Variants in PITPNM2 observed in about 807,000 individuals in gnomAD.
The protein encoded by PITPNM2 is phosphatidylinositol transfer protein membrane associated 2.
In PITPNM2, 35 loss-of-function variants were observed where a neutral mutation model predicts 132.2. That is an observed-to-expected ratio of 0.26 (90% CI 0.20 to 0.35). PITPNM2 has a LOEUF of 0.35. Among genes scored for constraint, PITPNM2 ranks in the 10% least tolerant of loss-of-function variants. The pLI is 1.00. For synonymous variants in PITPNM2, 738 were observed against 799.2 expected, an observed-to-expected ratio of 0.92 and a Z score of 1.29; for missense variants, 1,332 against 1,912.0, an observed-to-expected ratio of 0.70 and a Z score of 5.66.
intron 2 of PITPNM2, among the ~76,000 whole-genome samples, chr12:123,039,069 G>C (rs1454186440): frequency 6.6e-6 from 1 of 151,362 alleles, no homozygotes; most frequent in African/African-American, 2.4e-5. Flanking sequence ...GGAACAGCGT[G>C]AGCAAAGGCC....
At chr12:123,013,696 G>C in intron 4 of PITPNM2, 132 bp downstream of exon 4, 1 of 1,046,260 alleles carries the variant, frequency 9.6e-7, no homozygotes, top group Non-Finnish European at 1.4e-6. Context: ...AACAAAGCCT[G>C]GGTTCCCTGG....
chr12:123,080,812 A>G (rs145437225), intron 2 of PITPNM2, among the ~76,000 whole-genome samples: 1 of 152,080 alleles, frequency 6.6e-6, no homozygotes. Flanking sequence ...TGGGGCAACA[A>G]TCTCTACCCC....
At chr12:122,996,991 G>T in intron 11 of PITPNM2, 81 bp from the exon 12 acceptor site, 1 of 1,322,758 alleles carries the variant, frequency 7.6e-7, no homozygotes, top group Non-Finnish European at 1.0e-6. Flanking sequence ...CTGAGTCTCA[G>T]CCATGGACTC....
Position 123,004,587 on chromosome 12 carries a change from G to T in PITPNM2, c.953-98C>A. ...GGCAGGGAGGGCCACCCACAGGCCTGACAGGCATCACAGAGGCTGCCACAG... is the reference window on the plus strand; with the variant it reads ...GGCAGGGAGGGCCACCCACAGGCCTTACAGGCATCACAGAGGCTGCCACAG... On this transcript the variant is annotated intron_variant, in intron 7 of 25. Coordinates refer to ENST00000320201, the MANE Select transcript of PITPNM2 (RefSeq NM_020845.3). This position sits in a 1 kb window ranked among gnomAD's most constrained non-coding sequence, Gnocchi z 4.9. 2 of 1,124,296 alleles carry T rather than the reference G, an allele frequency of 1.8e-6. No homozygotes were observed. Among genetic ancestry groups the T allele is most frequent in the Non-Finnish European group, 2.7e-6 (2 of 748,246 alleles). The allele number at this position is 1,124,296 out of a possible 1,614,324, so 69.6% of individuals were successfully genotyped here.
intron 3 of PITPNM2, among the ~76,000 whole-genome samples, chr12:123,020,092 T>C (rs1358124988): frequency 6.6e-6 from 1 of 152,006 alleles, no homozygotes; most frequent in Non-Finnish European, 1.5e-5. Flanking sequence ...ATCACAAAAG[T>C]TTTTTTATTT....
At chr12:123,067,306 A>C (rs1372246905) in intron 2 of PITPNM2, among the ~76,000 whole-genome samples, 3 of 152,166 alleles carry the variant, frequency 2.0e-5, no homozygotes, top group Non-Finnish European at 4.4e-5. Flanking sequence ...AAATACAAAA[A>C]TTAGCTGGAC....
chr12:123,097,907 C>T lies in PITPNM2; in HGVS notation c.-96+12478G>A, dbSNP rs762017602. ...AGCCAGATGGGAACAACATAATCCTCCTTTCTCTGCTGGCCTTGGCCCTCT... is the reference window on the plus strand; with the variant it reads ...AGCCAGATGGGAACAACATAATCCTTCTTTCTCTGCTGGCCTTGGCCCTCT... On this transcript the variant is annotated intron_variant, in intron 2 of 25. Coordinates refer to ENST00000320201, the MANE Select transcript of PITPNM2 (RefSeq NM_020845.3). This position sits in a 1 kb window ranked among gnomAD's most constrained non-coding sequence, Gnocchi z 4.7. Among the ~76,000 whole-genome samples, 9 of 152,232 alleles carry T rather than the reference C, an allele frequency of 5.9e-5. No individual in the cohort carries two copies. Among genetic ancestry groups the T allele is most frequent in the Non-Finnish European group, 1.2e-4 (8 of 68,036 alleles).
intron 2 of PITPNM2, among the ~76,000 whole-genome samples, chr12:123,094,111 C>T (rs2042343544): frequency 6.6e-6 from 1 of 152,274 alleles, no homozygotes; most frequent in South Asian, 2.1e-4. Context: ...CTCCAGGTGT[C>T]ACTGGGCCAT....
In PITPNM2 at chr12:123,116,654, A is replaced by G. The variant is rs917459867; in HGVS notation, c.-199-6166T>C. On this transcript the variant is annotated intron_variant, in intron 1 of 25. Transcript: ENST00000320201. Reference sequence around the variant, plus strand: ...CAGGGCAAGACCTTGTTTCAAAAAAAAAAAAAAAAAAAAGCAGGAGAGGAG... The same window carrying G: ...CAGGGCAAGACCTTGTTTCAAAAAAGAAAAAAAAAAAAAGCAGGAGAGGAG... Among the ~76,000 whole-genome samples, 11 of 151,914 alleles carry G rather than the reference A, an allele frequency of 7.2e-5. No individual in the cohort carries two copies. In the South Asian group the frequency reaches 1.5e-3, roughly 20 times the overall value.
intron 2 of PITPNM2, among the ~76,000 whole-genome samples, chr12:123,100,827 T>A (rs1259353116): frequency 6.6e-6 from 1 of 152,232 alleles, no homozygotes; most frequent in Non-Finnish European, 1.5e-5. Flanking sequence ...CAGACTCACC[T>A]GAGGCAGGAA....
At chr12:123,081,424 C>A (rs1238649816) in intron 2 of PITPNM2, 2 of 152,334 alleles carry the variant, frequency 1.3e-5, no homozygotes, top group Non-Finnish European at 1.5e-5. Context: ...TAGGTCCCCC[C>A]CCACTCCTTA....
chr12:123,040,951 T>G (rs538287608), intron 2 of PITPNM2, among the ~76,000 whole-genome samples: 29 of 152,294 alleles, frequency 1.9e-4, no homozygotes, highest in African/African-American at 6.7e-4. Flanking sequence ...ATGGATGGAA[T>G]TTGTGGGCAA....
In PITPNM2 at chr12:122,994,778, TC is replaced by T. The variant is rs1326454924; in HGVS notation, c.2233+22del. On this transcript the variant is annotated intron_variant, in intron 15 of 25. Transcript: ENST00000320201. This position sits in a 1 kb window ranked among gnomAD's most constrained non-coding sequence, Gnocchi z 5.4. ...CCGCACCCAGTGCATGTACCCCCCA[TC>T]CTGCCCCTGCTGGGCTCTCACCATC... is the stretch of plus-strand genomic sequence containing the variant. 1 of 1,578,226 alleles carries T rather than the reference TC, an allele frequency of 6.3e-7. No homozygotes were observed. Among genetic ancestry groups the T allele is most frequent in the South Asian group, 1.1e-5 (1 of 89,182 alleles).
At chr12:123,075,967 C>A (rs139424446) in intron 2 of PITPNM2, 6 of 152,286 alleles carry the variant, frequency 3.9e-5, no homozygotes, top group Non-Finnish European at 8.8e-5. Flanking sequence ...CCAGCAGCAA[C>A]GGCAGGGCCG....
At chr12:123,103,047 C>T (rs546379002) in intron 2 of PITPNM2, among the ~76,000 whole-genome samples, 1 of 152,328 alleles carries the variant, frequency 6.6e-6, no homozygotes, top group South Asian at 2.1e-4. Context: ...CCTCAGCCTC[C>T]TGAGTAGCTG....
chr12:123,047,679 A>C (rs2040706649), intron 2 of PITPNM2, among the ~76,000 whole-genome samples: 1 of 152,130 alleles, frequency 6.6e-6, no homozygotes, highest in African/African-American at 2.4e-5. Context: ...CTAAGGATAC[A>C]GGGGACCAAG....
chr12:123,150,168 C>T lies in PITPNM2; in HGVS notation c.-200+585G>A, dbSNP rs2043698967. On this transcript the variant is annotated intron_variant, in intron 1 of 25. Transcript: ENST00000320201. This position sits in a 1 kb window ranked among gnomAD's most constrained non-coding sequence, Gnocchi z 6.0. Reference sequence around the variant, plus strand: ...TCTCCCCAAGGCCCCCCGATCAGCCCTGCCACGGATAAGAAAGGATTCGGG... The same window carrying T: ...TCTCCCCAAGGCCCCCCGATCAGCCTTGCCACGGATAAGAAAGGATTCGGG... Among the ~76,000 whole-genome samples, 1 of 152,130 alleles carries T rather than the reference C, an allele frequency of 6.6e-6. No homozygotes were observed. The highest frequency in any genetic ancestry group is 1.5e-5 in the Non-Finnish European group (1 of 68,024).
chr12:123,043,893 G>A (rs1394292953), intron 2 of PITPNM2, among the ~76,000 whole-genome samples: 1 of 152,146 alleles, frequency 6.6e-6, no homozygotes, highest in Non-Finnish European at 1.5e-5. Context: ...GCACAAATGT[G>A]CATGTGAGGA....
At position 123,124,206 on chromosome 12, in the gene PITPNM2, G is replaced by A. The variant is rs58463629; in HGVS notation, c.-199-13718C>T. 6.5e-3 allele frequency among the ~76,000 whole-genome samples: 983 copies of A among 152,232 alleles called. 15 individuals are homozygous for A. The highest frequency in any genetic ancestry group is 0.022 in the African/African-American group (923 of 41,542). On this transcript the variant is annotated intron_variant, in intron 1 of 25. Coordinates refer to ENST00000320201, the MANE Select transcript of PITPNM2 (RefSeq NM_020845.3). ...AGGAGGCGGAGGTTGCAGTGAGCCC[G>A]AGATTGTGCCACTGCAGTCCAGCCT...
Sources: gnomAD v4.1 joint callset for allele counts (sites outside exome capture counted in the v4.1 genomes callset) on GRCh38, gnomAD v4.1.1 for gene constraint, Gnocchi (gnomAD v3.1) non-coding constraint, MANE v1.5 for transcripts, NCBI Gene and HGNC (gene_info 2026-07-23, HGNC 2026-07-21) for gene names.